Variants in ZRANB3 observed in about 807,000 individuals in gnomAD.
The protein encoded by ZRANB3 is DNA annealing helicase and endonuclease ZRANB3.
Under a neutral mutation model 133.8 loss-of-function variants are expected in ZRANB3, and 125 were observed. The ratio of observed to expected loss-of-function variants is 0.93; its 90% confidence interval spans 0.81 to 1.08. The LOEUF (loss-of-function observed/expected upper bound fraction) is 1.08. ZRANB3 is among the 50% of genes least tolerant of loss of function. ZRANB3 has a pLI of 0.00. For synonymous variants in ZRANB3, 387 were observed against 432.7 expected (o/e 0.89, Z 1.31); for missense variants, 1,229 against 1,275.5 (o/e 0.96, Z 0.56).
intron 8 of ZRANB3, among the ~76,000 whole-genome samples, chr2:135,307,042 AATTTT>A (rs1682742346): frequency 6.6e-6 from 1 of 152,188 alleles, no homozygotes; most frequent in East Asian, 1.9e-4. Context: ...TTAATTAATG[AATTTT>A]ATTTTATTTT....
At chr2:135,486,670 T>C (rs1219466723) in intron 2 of ZRANB3, among the ~76,000 whole-genome samples, 1 of 152,182 alleles carries the variant, frequency 6.6e-6, no homozygotes, top group Non-Finnish European at 1.5e-5. Flanking sequence ...GTTGCCAGCA[T>C]GCCTGGCTAA....
chr2:135,331,618 C>T (rs958845324), intron 6 of ZRANB3, among the ~76,000 whole-genome samples: 7 of 151,946 alleles, frequency 4.6e-5, no homozygotes, highest in South Asian at 2.1e-4. Flanking sequence ...TCTTCTGTGT[C>T]GCTGATCTGT....
chr2:135,349,684 A>T (rs1685106204), intron 5 of ZRANB3, among the ~76,000 whole-genome samples: 1 of 152,224 alleles, frequency 6.6e-6, no homozygotes, highest in Non-Finnish European at 1.5e-5. Flanking sequence ...GATTAAGACC[A>T]TAGAAGAACC....
intron 2 of ZRANB3, among the ~76,000 whole-genome samples, chr2:135,488,003 C>T (rs1392115359): frequency 6.6e-6 from 1 of 152,158 alleles, no homozygotes; most frequent in Non-Finnish European, 1.5e-5. Context: ...TCATTTCTAG[C>T]TTTTGATTTA....
chr2:135,340,726 C>T (rs757508050), intron 6 of ZRANB3, among the ~76,000 whole-genome samples: 3 of 151,960 alleles, frequency 2.0e-5, no homozygotes, highest in Middle Eastern at 3.4e-3. Flanking sequence ...GGTGGCGGCA[C>T]GCGCCTGTAA....
At chr2:135,407,115 T>G (rs1387602189) in intron 2 of ZRANB3, among the ~76,000 whole-genome samples, 1 of 152,196 alleles carries the variant, frequency 6.6e-6, no homozygotes, top group African/African-American at 2.4e-5. Context: ...ATAGGCAACT[T>G]CAGCAAAGTC....
At chr2:135,455,824 G>A (rs1444731984) in intron 2 of ZRANB3, among the ~76,000 whole-genome samples, 1 of 148,962 alleles carries the variant, frequency 6.7e-6, no homozygotes, top group Non-Finnish European at 1.5e-5. Flanking sequence ...TCGATCTCCT[G>A]ACCTGGTGAT....
In ZRANB3 at chr2:135,342,081, G is replaced by A. The variant is rs530404787; in HGVS notation, c.677+3469C>T. Among the ~76,000 whole-genome samples the A allele has an allele frequency of 1.6e-4, 24 of 149,852 alleles. No individual in the cohort carries two copies. In the East Asian group the frequency reaches 3.1e-3, roughly 19 times the overall value. On this transcript the variant is annotated intron_variant, in intron 6 of 20. Coordinates refer to ENST00000264159, the MANE Select transcript of ZRANB3 (RefSeq NM_032143.4). The stretch of plus-strand genomic sequence containing the variant: ...GTACACTCCCTACCTTTTGAAAATC[G>A]CTAATAAAAACTTGCTGGTTTTACG...
At chr2:135,227,178 T>G (rs1207143364) in intron 14 of ZRANB3, among the ~76,000 whole-genome samples, 1 of 152,202 alleles carries the variant, frequency 6.6e-6, no homozygotes, top group Non-Finnish European at 1.5e-5. Context: ...CCAAAAGTAC[T>G]CAGTCTCTTG....
chr2:135,302,310 G>A (rs1274695424), intron 8 of ZRANB3, among the ~76,000 whole-genome samples: 1 of 152,150 alleles, frequency 6.6e-6, no homozygotes, highest in African/African-American at 2.4e-5. Flanking sequence ...ATAGGTGGTT[G>A]AGGACAGAAG....
At chr2:135,403,936 G>C (rs1382151835) in intron 2 of ZRANB3, among the ~76,000 whole-genome samples, 1 of 152,188 alleles carries the variant, frequency 6.6e-6, no homozygotes, top group African/African-American at 2.4e-5. Context: ...GACATCCACA[G>C]CAAAATCCCA....
intron 8 of ZRANB3, among the ~76,000 whole-genome samples, chr2:135,296,333 T>C (rs1682087693): frequency 6.6e-6 from 1 of 152,244 alleles, no homozygotes; most frequent in Non-Finnish European, 1.5e-5. Context: ...TCATTTGATC[T>C]TCCATCGCTG....
At chr2:135,314,289 T>C (rs540065322) in intron 7 of ZRANB3, among the ~76,000 whole-genome samples, 1 of 152,322 alleles carries the variant, frequency 6.6e-6, no homozygotes, top group South Asian at 2.1e-4. Flanking sequence ...TAAATAAAGA[T>C]GGGGAATATT....
intron 3 of ZRANB3, among the ~76,000 whole-genome samples, chr2:135,383,446 A>C (rs1008896412): frequency 6.6e-6 from 1 of 152,180 alleles, no homozygotes; most frequent in Non-Finnish European, 1.5e-5. Context: ...ACGAGACAGA[A>C]AGTTAACAAG....
intron 2 of ZRANB3, among the ~76,000 whole-genome samples, chr2:135,475,941 G>A (rs1308232409): frequency 6.6e-6 from 1 of 152,096 alleles, no homozygotes; most frequent in Non-Finnish European, 1.5e-5. Flanking sequence ...AGCCAGGCAT[G>A]GTGACAGGTG....
chr2:135,219,168 T>G lies in ZRANB3; in HGVS notation c.2261A>C (p.Gln754Pro). Residue 754 changes from glutamine (Q) to proline (P), a missense_variant, in exon 16 of 21, where the codon CAG (glutamine) becomes CCG (proline). Gln to Pro is a moderately conservative substitution (Grantham distance 76). Transcript: ENST00000264159. ...RIHIYTKDGK[Q>P]MSCNFIPLDI... ...CAGAGGAATGAAATTACAGCTCATC[T>G]GTTTTCCATCCTGATGATAGATTAG... is the stretch of plus-strand genomic sequence containing the variant. 6.6e-7 allele frequency: 1 copy of G among 1,526,598 alleles called. No homozygotes were observed. Among genetic ancestry groups the G allele is most frequent in the Non-Finnish European group, 8.7e-7 (1 of 1,142,890 alleles). 94.6% of individuals were successfully genotyped at this position (1,526,598 alleles called of 1,614,324 possible).
chr2:135,264,388 C>T (rs1280196848), intron 12 of ZRANB3, among the ~76,000 whole-genome samples: 1 of 149,932 alleles, frequency 6.7e-6, no homozygotes, highest in Non-Finnish European at 1.5e-5. Flanking sequence ...AGGAGAATCG[C>T]TTGAACCCGG....
At chr2:135,443,443 T>C (rs982049770) in intron 2 of ZRANB3, among the ~76,000 whole-genome samples, 1 of 151,664 alleles carries the variant, frequency 6.6e-6, no homozygotes, top group Non-Finnish European at 1.5e-5. Flanking sequence ...AATGATGAGT[T>C]GATGGGTGCA....
At position 135,271,790 on chromosome 2, in the gene ZRANB3, A is replaced by G. The variant is rs772564253; in HGVS notation, c.1184T>C (p.Leu395Pro). The G allele has an allele frequency of 1.4e-5, 22 of 1,613,170 alleles. No homozygotes were observed. The highest frequency in any genetic ancestry group is 1.8e-5 in the Non-Finnish European group (21 of 1,179,698). ...QKDPDTRVAI[L>P]SIQAAGQGLT... ...TACCTGGCCAGCAGCCTGAATGCTT[A>G]GGATAGCCACGCGAGTGTCAGGATC... The change falls in exon 10 of 21, where the codon CTA becomes CCA. Residue 395 changes from leucine (L) to proline (P), a missense_variant. Coordinates refer to ENST00000264159, the MANE Select transcript of ZRANB3 (RefSeq NM_032143.4).
Sources: gnomAD v4.1 joint callset for allele counts (sites outside exome capture counted in the v4.1 genomes callset) on GRCh38, gnomAD v4.1.1 for gene constraint, MANE v1.5 for transcripts, NCBI Gene and HGNC (gene_info 2026-07-23, HGNC 2026-07-21) for gene names.